RIN2: variants seen among roughly 807,000 people sequenced by gnomAD.
RIN2 encodes RAB5 interacting protein 2.
Under a neutral mutation model 78.0 loss-of-function variants are expected in RIN2, and 36 were observed. That is an observed-to-expected ratio of 0.46 (90% CI 0.35 to 0.61). The LOEUF is 0.61. RIN2 is among the 20% of genes least tolerant of loss of function. RIN2 has a pLI of 0.00. For synonymous variants in RIN2, 466 were observed against 466.8 expected (o/e 1.00, Z 0.02); for missense variants, 1,087 against 1,159.7 (o/e 0.94, Z 0.91).
chr20:19,906,735 T>A (rs2039236369), intron 3 of RIN2, among the ~76,000 whole-genome samples: 1 of 152,222 alleles, frequency 6.6e-6, no homozygotes, highest in Admixed American at 6.5e-5. Context: ...TTAAGTCTCC[T>A]GACTTTTGCA....
intron 2 of RIN2, among the ~76,000 whole-genome samples, chr20:19,857,829 T>G (rs573287168): frequency 4.6e-5 from 7 of 152,200 alleles, no homozygotes; most frequent in African/African-American, 1.7e-4. Context: ...CTAATAATAA[T>G]AATAATAATA....
intron 2 of RIN2, among the ~76,000 whole-genome samples, chr20:19,841,836 G>A (rs2036586825): frequency 6.6e-6 from 1 of 152,198 alleles, no homozygotes; most frequent in Non-Finnish European, 1.5e-5. Flanking sequence ...AAGAAAAGAG[G>A]CCATCTGCAG....
chr20:19,934,335 C>G, intron 3 of RIN2: 1 of 243,022 alleles, frequency 4.1e-6, no homozygotes, highest in Non-Finnish European at 6.6e-6. Context: ...CCACTGTACA[C>G]TTACAGTGCC....
At chr20:19,968,112 C>T (rs1046280425) in intron 7 of RIN2, among the ~76,000 whole-genome samples, 1 of 152,136 alleles carries the variant, frequency 6.6e-6, no homozygotes, top group African/African-American at 2.4e-5. Flanking sequence ...ATTAGCTCTG[C>T]GAAGGTGTGC....
intron 4 of RIN2, among the ~76,000 whole-genome samples, chr20:19,939,274 C>T (rs950091841): frequency 6.6e-6 from 1 of 152,214 alleles, no homozygotes. Flanking sequence ...TCTCGAATTC[C>T]TGGCCTCAAG....
intron 11 of RIN2, among the ~76,000 whole-genome samples, chr20:19,995,274 A>C (rs184441959): frequency 0.019 from 2,921 of 151,304 alleles, 92 homozygotes; most frequent in African/African-American, 0.059. Context: ...AAAAAAAAAA[A>C]AAAACAAAAC....
chr20:19,762,490 G>A (rs149226711), intron 1 of RIN2, among the ~76,000 whole-genome samples: 3 of 152,240 alleles, frequency 2.0e-5, no homozygotes, highest in South Asian at 4.1e-4. Context: ...TAGATTTTTC[G>A]AAAGCACAAA....
chr20:19,827,672 G>A (rs1403528221), intron 2 of RIN2, among the ~76,000 whole-genome samples: 4 of 152,090 alleles, frequency 2.6e-5, no homozygotes, highest in Non-Finnish European at 4.4e-5. Flanking sequence ...CCTTATGACC[G>A]CCAAATTGAC....
intron 2 of RIN2, among the ~76,000 whole-genome samples, chr20:19,801,242 C>A (rs985496069): frequency 3.9e-5 from 6 of 152,054 alleles, no homozygotes; most frequent in African/African-American, 1.4e-4. Flanking sequence ...ACACAATATT[C>A]TTTTCCTTAT....
chr20:19,927,747 T>C (rs937752952), intron 3 of RIN2, among the ~76,000 whole-genome samples: 5 of 151,506 alleles, frequency 3.3e-5, no homozygotes, highest in South Asian at 2.1e-4. Flanking sequence ...CCAAGGTCTC[T>C]CTATGTTGCT....
At chr20:19,937,341 T>G (rs1355362407) in intron 4 of RIN2, among the ~76,000 whole-genome samples, 1 of 152,086 alleles carries the variant, frequency 6.6e-6, no homozygotes, top group East Asian at 1.9e-4. Context: ...GAGAAAGAAG[T>G]GGCGAGCACC....
Position 19,866,617 on chromosome 20 carries a change from ATATTT to A in RIN2, c.-36-22933_-36-22929del, listed in dbSNP as rs201110029. Among the ~76,000 whole-genome samples, 1,446 of 152,140 alleles carry A rather than the reference ATATTT, an allele frequency of 9.5e-3. 17 individuals are homozygous for A. The highest frequency in any genetic ancestry group is 0.014 in the Middle Eastern group (4 of 294). ...AATTGTGTTTCTAGATTAATTTTGG[ATATTT>A]TATTTTATTTTATTTATTTTGAGAC... On this transcript the variant is annotated intron_variant, in intron 2 of 12. Transcript: ENST00000255006.
At chr20:19,969,878 T>C (rs2042052764) in intron 7 of RIN2, among the ~76,000 whole-genome samples, 2 of 152,158 alleles carry the variant, frequency 1.3e-5, no homozygotes, top group Admixed American at 1.3e-4. Flanking sequence ...AGTGTTGTGC[T>C]TTGCCCTGTG....
At chr20:19,956,257 C>CAAAAAAAAAAAAAAAAAAAAA (rs11483774) in intron 4 of RIN2, among the ~76,000 whole-genome samples, 1 of 50,744 alleles carries the variant, frequency 2.0e-5, no homozygotes, top group African/African-American at 7.7e-5. Context: ...GACTCCATCT[C>CAAAAAAAAAAAAAAAAAAAAA]AAAAAAAAAA....
At position 19,844,641 on chromosome 20, in the gene RIN2, T is replaced by C. The variant is rs569993991; in HGVS notation, c.-37+44894T>C. ...TTCTTCTTCTTCTTCTTCTTCTTCT[T>C]CTTCTTCTTCTTCTTCTTCTTCTTC... On this transcript the variant is annotated intron_variant, in intron 2 of 12. Coordinates refer to ENST00000255006, the MANE Select transcript of RIN2 (RefSeq NM_018993.4). Among the ~76,000 whole-genome samples the C allele has an allele frequency of 2.9e-5, 4 of 136,586 alleles. No homozygotes were observed. The South Asian group carries it at 9.6e-4, about 33-fold the overall frequency. 89.6% of individuals were successfully genotyped at this position (136,586 alleles called of 152,430 possible). A position where few individuals can be genotyped will look rare whatever the true frequency, so the allele number is the denominator to read the frequency against.
intron 4 of RIN2, among the ~76,000 whole-genome samples, chr20:19,949,313 C>T (rs1266559141): frequency 6.6e-6 from 1 of 152,258 alleles, no homozygotes; most frequent in East Asian, 1.9e-4. Context: ...AATTGCTCGG[C>T]TTAGTGAAGG....
chr20:19,848,534 C>CAAAAAAAAAAAAAAAAAAAAAAAAA (rs11352724), intron 2 of RIN2, among the ~76,000 whole-genome samples: 1 of 52,838 alleles, frequency 1.9e-5, no homozygotes, highest in Non-Finnish European at 4.3e-5. Context: ...GACTCCATCT[C>CAAAAAAAAAAAAAAAAAAAAAAAAA]AAAAAAAAAA....
At chr20:19,952,767 A>G (rs901120849) in intron 4 of RIN2, among the ~76,000 whole-genome samples, 5 of 152,196 alleles carry the variant, frequency 3.3e-5, no homozygotes, top group African/African-American at 1.2e-4. Flanking sequence ...AATATGGCCA[A>G]CCTGAGATGG....
rs114884491 is a variant in RIN2 at position 19,958,865 on chromosome 20, T to G, written c.352-1835T>G. 2.1e-3 allele frequency among the ~76,000 whole-genome samples: 319 copies of G among 152,140 alleles called. 3 individuals are homozygous for G. Among genetic ancestry groups the G allele is most frequent in the African/African-American group, 7.3e-3 (301 of 41,492 alleles). On this transcript the variant is annotated intron_variant, in intron 5 of 12. Coordinates refer to ENST00000255006, the MANE Select transcript of RIN2 (RefSeq NM_018993.4). ...GCCTGAATGACAGACCAAGACTCCA[T>G]CTAAAAATAAAATAATTAAATAAAA...
Sources: gnomAD v4.1 joint callset for allele counts (sites outside exome capture counted in the v4.1 genomes callset) on GRCh38, gnomAD v4.1.1 for gene constraint, MANE v1.5 for transcripts, NCBI Gene and HGNC (gene_info 2026-07-23, HGNC 2026-07-21) for gene names.